The following AQR variants were observed in gnomAD, a reference collection of about 807,000 sequenced individuals.
AQR encodes RNA helicase aquarius.
In AQR, 61 loss-of-function variants were observed where a neutral mutation model predicts 180.5. The observed-to-expected ratio is 0.34, with a 90% CI of 0.28 to 0.42. The LOEUF is 0.42. Ranked by LOEUF, AQR falls within the 10% of genes least tolerant of loss-of-function variation. AQR has a pLI of 1.00. For missense variants in AQR, 1,281 were observed against 1,798.3 expected, an observed-to-expected ratio of 0.71 and a Z score of 5.20; for synonymous variants, 551 against 588.8, an observed-to-expected ratio of 0.94 and a Z score of 0.93.
chr15:34,956,418 AG>A (rs766451407), intron 3 of AQR, among the ~76,000 whole-genome samples: 1 of 152,132 alleles, frequency 6.6e-6, no homozygotes. Context: ...TGGGAGGCCG[AG>A]GTGGGCGGAT....
chr15:34,893,856 A>G, intron 22 of AQR, 83 bp from the exon 23 acceptor site: 1 of 1,206,560 alleles, frequency 8.3e-7, no homozygotes, highest in East Asian at 2.3e-5. Flanking sequence ...TACAGACCTG[A>G]AAGATAAAAT....
At chr15:34,912,068 C>T (rs915626691) in intron 16 of AQR, among the ~76,000 whole-genome samples, 17 of 152,158 alleles carry the variant, frequency 1.1e-4, no homozygotes, top group Admixed American at 9.8e-4. Flanking sequence ...GCACATGCAT[C>T]GAAGATTAAA....
chr15:34,881,581 T>C (rs577623117), intron 27 of AQR, among the ~76,000 whole-genome samples: 1 of 152,330 alleles, frequency 6.6e-6, no homozygotes, highest in African/African-American at 2.4e-5. Context: ...ATCATTACTT[T>C]CCACTTCAAG....
intron 1 of AQR, among the ~76,000 whole-genome samples, chr15:34,968,217 T>C (rs559963452): frequency 2.0e-5 from 3 of 151,504 alleles, no homozygotes; most frequent in African/African-American, 7.3e-5. Context: ...AGTGAGACCC[T>C]ATCTTGAAAG....
chr15:34,885,002 C>CT (rs1893037136), intron 25 of AQR, among the ~76,000 whole-genome samples: 1 of 151,626 alleles, frequency 6.6e-6, no homozygotes, highest in Non-Finnish European at 1.5e-5. Flanking sequence ...TCATAGAACT[C>CT]TAACTCCGAC....
chr15:34,939,390 A>C (rs1005989621), intron 8 of AQR, among the ~76,000 whole-genome samples: 1 of 152,058 alleles, frequency 6.6e-6, no homozygotes, highest in Non-Finnish European at 1.5e-5. Flanking sequence ...CCAGCCAAAC[A>C]TTTTCATTTG....
intron 13 of AQR, among the ~76,000 whole-genome samples, chr15:34,925,912 TA>T (rs1379985559): frequency 1.3e-5 from 2 of 152,140 alleles, no homozygotes; most frequent in African/African-American, 2.4e-5. Flanking sequence ...CTCATGCCTG[TA>T]ATCCCGGCAC....
intron 15 of AQR, among the ~76,000 whole-genome samples, chr15:34,917,537 T>C (rs1393239815): frequency 6.6e-6 from 1 of 152,182 alleles, no homozygotes; most frequent in African/African-American, 2.4e-5. Flanking sequence ...CAATAAATGA[T>C]AATGTCTTTT....
chr15:34,938,891 G>T, intron 8 of AQR, 78 bp from the exon 9 acceptor site: 2 of 1,023,166 alleles, frequency 2.0e-6, no homozygotes, highest in Non-Finnish European at 3.0e-6. Context: ...GTTGACCACG[G>T]CTTTCCAATA....
At chr15:34,914,413 G>A (rs1566988363) in intron 16 of AQR, among the ~76,000 whole-genome samples, 1 of 152,130 alleles carries the variant, frequency 6.6e-6, no homozygotes, top group Admixed American at 6.6e-5. Context: ...GGTGGGGAGT[G>A]GAGTTTATGC....
In AQR at chr15:34,917,322, A is replaced by G. The variant is rs183741655; in HGVS notation, c.1342+936T>C. On this transcript the variant is annotated intron_variant, in intron 15 of 34. Coordinates refer to ENST00000156471, the MANE Select transcript of AQR (RefSeq NM_014691.3). Reference sequence around the variant, plus strand: ...TCTTTAAAACAGTCACATTTCTTCTACTAATGATGCCATTGTTCAAAAAAG... The same window carrying G: ...TCTTTAAAACAGTCACATTTCTTCTGCTAATGATGCCATTGTTCAAAAAAG... 3.1e-3 allele frequency among the ~76,000 whole-genome samples: 473 copies of G among 152,296 alleles called. 3 individuals carry two copies. Among genetic ancestry groups the G allele is most frequent in the African/African-American group, 0.011 (451 of 41,556 alleles).
intron 1 of AQR, among the ~76,000 whole-genome samples, chr15:34,966,087 T>C (rs1054882417): frequency 6.6e-6 from 1 of 152,082 alleles, no homozygotes; most frequent in Admixed American, 6.5e-5. Flanking sequence ...TCATGTAAAA[T>C]AAAAACTTTC....
intron 5 of AQR, among the ~76,000 whole-genome samples, chr15:34,947,624 A>G (rs1488500825): frequency 6.6e-6 from 1 of 151,984 alleles, no homozygotes; most frequent in East Asian, 1.9e-4. Flanking sequence ...TCTCATTTGA[A>G]CATTATATAC....
Position 34,856,796 on chromosome 15 carries a change from T to G in AQR, c.4454A>C (p.Lys1485Thr), listed in dbSNP as rs1181635171. The G allele has an allele frequency of 6.6e-7, 1 of 1,525,960 alleles. No homozygotes were observed. Among genetic ancestry groups the G allele is most frequent in the African/African-American group, 1.4e-5 (1 of 72,082 alleles). 94.5% of individuals were successfully genotyped at this position (1,525,960 alleles called of 1,614,324 possible). ...TTTAGAAGGACTACAGTTTGGCTAC[T>G]TGGTCTCTTCCGGGGCAGATGTGGC... is the stretch of plus-strand genomic sequence containing the variant. Reference protein sequence around the residue: ...QDATSAPEETK With the variant: ...QDATSAPEETT Residue 1485 changes from lysine (K) to threonine (T), a missense_variant, in exon 35 of 35, where the codon AAG becomes ACG. Coordinates refer to ENST00000156471, the MANE Select transcript of AQR (RefSeq NM_014691.3).
intron 32 of AQR, among the ~76,000 whole-genome samples, chr15:34,867,273 TA>T (rs1892748898): frequency 6.6e-6 from 1 of 152,120 alleles, no homozygotes. Flanking sequence ...GATTTTATGA[TA>T]AAACGCTATC....
intron 11 of AQR, among the ~76,000 whole-genome samples, chr15:34,931,266 G>C (rs1443602944): frequency 6.6e-6 from 1 of 152,112 alleles, no homozygotes; most frequent in East Asian, 1.9e-4. Flanking sequence ...TGTAGCAGCA[G>C]CATCAACAGA....
rs190842916 is a variant in AQR at position 34,854,286 on chromosome 15, T to C, written c.*2506A>G. 7 of 152,244 alleles carry C rather than the reference T, an allele frequency of 4.6e-5. No homozygotes were observed. The highest frequency in any genetic ancestry group is 3.3e-4 in the Admixed American group (5 of 15,292). 9.4% of individuals were successfully genotyped at this position (152,244 alleles called of 1,614,324 possible). A position where few individuals can be genotyped will look rare whatever the true frequency, so the allele number is the denominator to read the frequency against. On this transcript the variant is annotated 3_prime_UTR_variant, in exon 35 of 35. Transcript: ENST00000156471. Reference sequence around the variant, plus strand: ...TCTAAAATCATGACACATTTAGATATGAAAAATAGGATGGAGAGCAATGGG... The same window carrying C: ...TCTAAAATCATGACACATTTAGATACGAAAAATAGGATGGAGAGCAATGGG...
chr15:34,882,981 C>T (rs1238478345), intron 26 of AQR, among the ~76,000 whole-genome samples: 1 of 151,898 alleles, frequency 6.6e-6, no homozygotes, highest in Admixed American at 6.6e-5. Context: ...GAAATTTTAG[C>T]AAGAAACTGG....
At chr15:34,947,112 G>A (rs533154293) in intron 5 of AQR, among the ~76,000 whole-genome samples, 2,780 of 152,152 alleles carry the variant, frequency 0.018, 58 homozygotes, top group African/African-American at 0.048. Context: ...GATGGTTGCC[G>A]TGTCTGTGTA....
Sources: allele counts gnomAD v4.1 joint callset (sites outside exome capture counted in the v4.1 genomes callset), GRCh38; gene constraint gnomAD v4.1.1; transcripts MANE v1.5; gene names NCBI Gene and HGNC (gene_info 2026-07-23, HGNC 2026-07-21).